DDI2: variants seen among roughly 807,000 people sequenced by gnomAD.
The protein encoded by DDI2 is protein DDI1 homolog 2.
A neutral mutation model predicts 48.1 loss-of-function variants in DDI2; 5 were observed. The ratio of observed to expected loss-of-function variants is 0.10; its 90% CI spans 0.05 to 0.22. The LOEUF is 0.22. DDI2 is among the 10% of genes least tolerant of loss of function. The pLI is 1.00. For missense variants in DDI2, 285 were observed against 506.2 expected (o/e 0.56, Z 4.19); for synonymous variants, 205 against 183.6 (o/e 1.12, Z -0.94).
At position 15,660,351 on chromosome 1, in the gene DDI2, A is replaced by G. The variant is rs763545670; in HGVS notation, c.*561A>G. The stretch of plus-strand genomic sequence containing the variant: ...ATCCAGAAAATCAGAACCTGAGTCA[A>G]GTGAGTGACCCTCAGCAGCACGAAG... On this transcript the variant is annotated 3_prime_UTR_variant, in exon 10 of 10. Coordinates refer to ENST00000480945, the MANE Select transcript of DDI2 (RefSeq NM_032341.5). The G allele has an allele frequency of 1.9e-6, 3 of 1,614,190 alleles. No individual in the cohort carries two copies. Among genetic ancestry groups the G allele is most frequent in the Non-Finnish European group, 1.7e-6 (2 of 1,180,032 alleles).
intron 1 of DDI2, among the ~76,000 whole-genome samples, chr1:15,618,974 T>C (rs191131706): frequency 1.7e-4 from 26 of 152,368 alleles, no homozygotes; most frequent in African/African-American, 6.0e-4. Flanking sequence ...ATGTGAACTT[T>C]AGAACCTTGG....
intron 1 of DDI2, among the ~76,000 whole-genome samples, chr1:15,621,320 T>TACCCTCA (rs1193913590): frequency 6.6e-6 from 1 of 152,098 alleles, no homozygotes; most frequent in Non-Finnish European, 1.5e-5. Context: ...GAAAGGCAAA[T>TACCCTCA]AATAGCAGTA....
At chr1:15,647,154 CT>C (rs201942636) in intron 6 of DDI2, among the ~76,000 whole-genome samples, 74 of 145,292 alleles carry the variant, frequency 5.1e-4, no homozygotes, top group East Asian at 4.2e-3. Flanking sequence ...TTTTCTTTTT[CT>C]TTTTTTTTTT....
intron 5 of DDI2, among the ~76,000 whole-genome samples, chr1:15,643,072 A>AC (rs1442085856): frequency 4.6e-5 from 7 of 150,758 alleles, no homozygotes. Context: ...CTCAACAACA[A>AC]AAAAAAAAAC....
chr1:15,656,593 T>G, intron 8 of DDI2, 24 bp from the exon 9 acceptor site: 1 of 1,614,164 alleles, frequency 6.2e-7, no homozygotes, highest in Non-Finnish European at 8.5e-7. Context: ...CCAAGTTTGC[T>G]TGTCTGTTTC....
chr1:15,638,945 A>T (rs1329865003), intron 5 of DDI2, among the ~76,000 whole-genome samples: 1 of 152,064 alleles, frequency 6.6e-6, no homozygotes, highest in Non-Finnish European at 1.5e-5. Flanking sequence ...AACTCCCCTT[A>T]TCTAGCATCC....
At chr1:15,652,464 GGC>G (rs1268590833) in intron 8 of DDI2, among the ~76,000 whole-genome samples, 63 of 53,160 alleles carry the variant, frequency 1.2e-3, no homozygotes, top group Non-Finnish European at 1.6e-3. Flanking sequence ...GGGGGGGGGG[GGC>G]GGATCACCTG....
At chr1:15,619,524 C>T (rs562316193) in intron 1 of DDI2, among the ~76,000 whole-genome samples, 39 of 150,068 alleles carry the variant, frequency 2.6e-4, no homozygotes, top group Admixed American at 4.7e-4. Context: ...TGCAGTGGCG[C>T]GATCTCGGCT....
In DDI2 at chr1:15,617,641, A is replaced by AGCCGG. The variant is rs1639584345; in HGVS notation, c.-26_-25insGGCCG. ...TGCGCCCCGCGCCCAGGCCGGGCCG[A>AGCCGG]GCCGAGCCGAGCCGGGTCGGGCCCG... On this transcript the variant is annotated 5_prime_UTR_variant, in exon 1 of 10. Transcript: ENST00000480945. The AGCCGG allele has an allele frequency of 4.4e-6, 6 of 1,370,828 alleles. No individual in the cohort carries two copies. Among genetic ancestry groups the AGCCGG allele is most frequent in the Non-Finnish European group, 5.7e-6 (6 of 1,049,582 alleles). 84.9% of individuals were successfully genotyped at this position (1,370,828 alleles called of 1,614,324 possible). A position where few individuals can be genotyped will look rare whatever the true frequency, so the allele number is the denominator to read the frequency against.
rs186624801 is a variant in DDI2 at position 15,656,392 on chromosome 1, A to T, written c.1184-225A>T. On this transcript the variant is annotated intron_variant, in intron 8 of 9. Coordinates refer to ENST00000480945, the MANE Select transcript of DDI2 (RefSeq NM_032341.5). The stretch of plus-strand genomic sequence containing the variant: ...GAAACAAAATTAATTTCTTTACAAG[A>T]TCTATTAAAAATCTGTTGAAATTAA... 578 of 1,401,424 alleles carry T rather than the reference A, an allele frequency of 4.1e-4. 3 individuals are homozygous for T. In the African/African-American group the frequency reaches 7.3e-3, roughly 18 times the overall value. The allele number at this position is 1,401,424 out of a possible 1,614,324, so 86.8% of individuals were successfully genotyped here.
At chr1:15,617,881 T>A in intron 1 of DDI2, 73 bp downstream of exon 1, 1 of 1,427,678 alleles carries the variant, frequency 7.0e-7, no homozygotes, top group South Asian at 1.4e-5. Context: ...TCCCTCCCTT[T>A]GCTACTGGTG....
intron 8 of DDI2, among the ~76,000 whole-genome samples, chr1:15,654,839 A>G (rs1640247342): frequency 6.6e-6 from 1 of 152,078 alleles, no homozygotes; most frequent in Admixed American, 6.6e-5. Flanking sequence ...TGAATTTGAC[A>G]TAGCTCCTTA....
chr1:15,642,607 C>A (rs943235195), intron 5 of DDI2, among the ~76,000 whole-genome samples: 1 of 152,108 alleles, frequency 6.6e-6, no homozygotes, highest in African/African-American at 2.4e-5. Flanking sequence ...GCCACTACAC[C>A]CAGCCCAAAA....
At chr1:15,647,508 C>T (rs986968356) in intron 6 of DDI2, among the ~76,000 whole-genome samples, 5 of 152,126 alleles carry the variant, frequency 3.3e-5, no homozygotes, top group South Asian at 2.1e-4. Context: ...ATTTTTTCCC[C>T]CTAGTCAAGA....
At chr1:15,652,352 C>G (rs961851091) in intron 8 of DDI2, among the ~76,000 whole-genome samples, 2 of 149,354 alleles carry the variant, frequency 1.3e-5, no homozygotes, top group Non-Finnish European at 3.0e-5. Flanking sequence ...GCTACCATAT[C>G]CAAACCCCAT....
chr1:15,623,848 T>G (rs770178473), intron 1 of DDI2, among the ~76,000 whole-genome samples: 7 of 151,858 alleles, frequency 4.6e-5, no homozygotes, highest in Non-Finnish European at 1.0e-4. Flanking sequence ...ATCACAAGGT[T>G]AGGAGATCGA....
At chr1:15,632,934 A>ATTTT (rs1557614982) in intron 3 of DDI2, among the ~76,000 whole-genome samples, 14,221 of 100,256 alleles carry the variant, frequency 0.14, 688 homozygotes, top group African/African-American at 0.17. Flanking sequence ...TTTTTTTTAA[A>ATTTT]AAAAAAAAAA....
chr1:15,617,878 C>G, intron 1 of DDI2, 70 bp downstream of exon 1: 1 of 1,437,566 alleles, frequency 7.0e-7, no homozygotes, highest in South Asian at 1.4e-5. Context: ...CACTCCCTCC[C>G]TTTGCTACTG....
At position 15,659,890 on chromosome 1, in the gene DDI2, G is replaced by T; in HGVS notation, c.*100G>T. 6.3e-7 allele frequency: 1 copy of T among 1,589,438 alleles called. No individual in the cohort carries two copies. The highest frequency in any genetic ancestry group is 2.2e-5 in the East Asian group (1 of 44,726). ...GGGAATGTCATCATTACCAACTTCA[G>T]ATGGGTTTAACCATCCCGCCCGTTC... On this transcript the variant is annotated 3_prime_UTR_variant, in exon 10 of 10. Coordinates refer to ENST00000480945, the MANE Select transcript of DDI2 (RefSeq NM_032341.5).
Sources: gnomAD v4.1 joint callset for allele counts (sites outside exome capture counted in the v4.1 genomes callset) on GRCh38, gnomAD v4.1.1 for gene constraint, MANE v1.5 for transcripts, NCBI Gene and HGNC (gene_info 2026-07-23, HGNC 2026-07-21) for gene names.